Variants in TMPRSS11A observed in about 807,000 individuals in gnomAD.
TMPRSS11A encodes transmembrane protease serine 11A.
TMPRSS11A carries 53 observed loss-of-function variants against 58.9 expected under a neutral mutation model. The observed-to-expected ratio is 0.90, with a 90% CI of 0.72 to 1.13. TMPRSS11A has a LOEUF of 1.13. TMPRSS11A is among the 50% of genes most tolerant of loss of function. The pLI is 0.00. For missense variants in TMPRSS11A, 493 were observed against 499.3 expected (o/e 0.99, Z 0.12); for synonymous variants, 167 against 169.8 (o/e 0.98, Z 0.13).
intron 5 of TMPRSS11A, among the ~76,000 whole-genome samples, chr4:67,924,929 G>A (rs1025087758): frequency 6.6e-6 from 1 of 150,584 alleles, no homozygotes; most frequent in African/African-American, 2.4e-5. Flanking sequence ...AGCCAGAACA[G>A]ATCTGCTTTG....
At chr4:67,915,905 G>T (rs1006544423) in intron 8 of TMPRSS11A, among the ~76,000 whole-genome samples, 10 of 152,186 alleles carry the variant, frequency 6.6e-5, no homozygotes, top group African/African-American at 2.2e-4. Flanking sequence ...AACTGTTTGT[G>T]ATTATTTGTT....
intron 5 of TMPRSS11A, among the ~76,000 whole-genome samples, chr4:67,928,800 G>A (rs1353614101): frequency 2.6e-5 from 4 of 152,158 alleles, no homozygotes; most frequent in Non-Finnish European, 4.4e-5. Context: ...ACCCTTACAA[G>A]GGCAGAGTGT....
rs376639914 is a variant in TMPRSS11A, at chr4:67,916,711, C to T, written c.953-1981G>A. The stretch of plus-strand genomic sequence containing the variant: ...GCATGGTGGTGGGCGCCTGCAGTCC[C>T]AGCTACTCGGGAGGCTGAGGCAGGA... On this transcript the variant is annotated intron_variant, in intron 8 of 9. Transcript: ENST00000508048. Among the ~76,000 whole-genome samples, 70 of 152,124 alleles carry T rather than the reference C, an allele frequency of 4.6e-4. 1 individual carries two copies. In the South Asian group the frequency reaches 0.012, roughly 26 times the overall value.
intron 3 of TMPRSS11A, among the ~76,000 whole-genome samples, chr4:67,934,678 T>C (rs1720707621): frequency 2.0e-5 from 3 of 152,122 alleles, no homozygotes; most frequent in Admixed American, 2.0e-4. Context: ...GAGATTAAGT[T>C]CCAAGAGGGC....
intron 1 of TMPRSS11A, among the ~76,000 whole-genome samples, chr4:67,958,274 A>T (rs1289583498): frequency 6.6e-6 from 1 of 152,160 alleles, no homozygotes; most frequent in Non-Finnish European, 1.5e-5. Context: ...AGCTTTCACC[A>T]TGCACCTGGA....
chr4:67,942,616 C>G (rs1720906731), intron 3 of TMPRSS11A, among the ~76,000 whole-genome samples: 3 of 152,158 alleles, frequency 2.0e-5, no homozygotes, highest in African/African-American at 7.2e-5. Context: ...ACATAGAAAT[C>G]CTCATGCATT....
intron 1 of TMPRSS11A, among the ~76,000 whole-genome samples, chr4:67,957,081 C>T (rs1721308729): frequency 6.6e-6 from 1 of 152,162 alleles, no homozygotes; most frequent in South Asian, 2.1e-4. Flanking sequence ...TGATTTGAGG[C>T]CTCCCCAGCC....
intron 3 of TMPRSS11A, among the ~76,000 whole-genome samples, chr4:67,943,865 T>C (rs1377324461): frequency 6.6e-6 from 1 of 152,184 alleles, no homozygotes; most frequent in African/African-American, 2.4e-5. Context: ...TTTCTTTCTT[T>C]TTAAAATAAG....
At chr4:67,929,089 T>G (rs942154264) in intron 5 of TMPRSS11A, among the ~76,000 whole-genome samples, 7 of 152,244 alleles carry the variant, frequency 4.6e-5, no homozygotes, top group Non-Finnish European at 7.3e-5. Context: ...TGGAGCCTTT[T>G]AAGAAATTAG....
chr4:67,935,375 T>A (rs1413825801), intron 3 of TMPRSS11A, among the ~76,000 whole-genome samples: 1 of 152,226 alleles, frequency 6.6e-6, no homozygotes, highest in East Asian at 1.9e-4. Context: ...TGTTCCTGAA[T>A]CACAACTATC....
Position 67,961,582 on chromosome 4 carries a change from C to T in TMPRSS11A, c.11+1801G>A, listed in dbSNP as rs567396354. On this transcript the variant is annotated intron_variant, in intron 1 of 9. Transcript: ENST00000508048. ...GCTGAAGTGTAGTGGCATGATTTGG[C>T]TCACTGCAACCTCCGACTCCCAAGT... is the stretch of plus-strand genomic sequence containing the variant. 1.8e-3 allele frequency among the ~76,000 whole-genome samples: 242 copies of T among 137,484 alleles called. 9 individuals are homozygous for T. The South Asian group carries it at 0.058, about 33-fold the overall frequency. 90.2% of individuals were successfully genotyped at this position (137,484 alleles called of 152,430 possible).
intron 1 of TMPRSS11A, among the ~76,000 whole-genome samples, chr4:67,955,556 C>T (rs1721267130): frequency 6.6e-6 from 1 of 152,210 alleles, no homozygotes; most frequent in South Asian, 2.1e-4. Flanking sequence ...CCTTCACAAA[C>T]TACTTCTATG....
chr4:67,959,450 C>T (rs1238290734), intron 1 of TMPRSS11A, among the ~76,000 whole-genome samples: 1 of 152,160 alleles, frequency 6.6e-6, no homozygotes, highest in Non-Finnish European at 1.5e-5. Context: ...ACAAACCATG[C>T]ATCTGACAAA....
intron 5 of TMPRSS11A, among the ~76,000 whole-genome samples, chr4:67,928,486 C>T (rs1234391255): frequency 1.3e-5 from 2 of 152,250 alleles, no homozygotes; most frequent in Admixed American, 1.3e-4. Flanking sequence ...TTATGCTTTA[C>T]TCTGGTTTCA....
chr4:67,928,901 T>C (rs1048283170), intron 5 of TMPRSS11A, among the ~76,000 whole-genome samples: 3 of 152,232 alleles, frequency 2.0e-5, no homozygotes, highest in Non-Finnish European at 4.4e-5. Context: ...GAGAAATCTA[T>C]ACTTGTCTGT....
intron 7 of TMPRSS11A, 46 bp from the exon 8 acceptor site, chr4:67,919,278 G>T: frequency 6.4e-7 from 1 of 1,557,996 alleles, no homozygotes; most frequent in Non-Finnish European, 8.8e-7. Flanking sequence ...GCTGCCCAAA[G>T]TATATGAGCT....
chr4:67,948,196 G>T (rs556236177), intron 1 of TMPRSS11A, among the ~76,000 whole-genome samples: 1 of 131,490 alleles, frequency 7.6e-6, no homozygotes, highest in Non-Finnish European at 1.5e-5. Flanking sequence ...TGTCATCCAG[G>T]CTGCCAGGCT....
At chr4:67,936,350 G>A (rs201293937) in intron 3 of TMPRSS11A, among the ~76,000 whole-genome samples, 1 of 83,906 alleles carries the variant, frequency 1.2e-5, no homozygotes, top group African/African-American at 5.1e-5. Flanking sequence ...TTTTTTTTTG[G>A]ATCCAAGAAG....
Position 67,924,169 on chromosome 4 carries a change from G to C in TMPRSS11A, c.482-3C>G, listed in dbSNP as rs1560565389. 2 of 1,612,660 alleles carry C rather than the reference G, an allele frequency of 1.2e-6. No individual in the cohort carries two copies. Among genetic ancestry groups the C allele is most frequent in the East Asian group, 4.5e-5 (2 of 44,768 alleles). On this transcript the variant is annotated splice_polypyrimidine_tract_variant and splice_region_variant and intron_variant, in intron 5 of 9. Transcript: ENST00000508048. ...CTCCCCTGTTGATGAGCTCATTGCT[G>C]AAAAAGAAGATAAAACAAATAGTGA...
Sources: gnomAD v4.1 joint callset for allele counts (sites outside exome capture counted in the v4.1 genomes callset) on GRCh38, gnomAD v4.1.1 for gene constraint, MANE v1.5 for transcripts, NCBI Gene and HGNC (gene_info 2026-07-23, HGNC 2026-07-21) for gene names.